Variants in GJA8 observed in about 807,000 individuals in gnomAD.
GJA8 encodes the protein gap junction alpha-8 protein.
In GJA8, 13 loss-of-function variants were observed where a neutral mutation model predicts 15.3. The observed-to-expected ratio is 0.85, with a 90% CI of 0.55 to 1.35. The LOEUF is 1.35. Among genes scored for constraint, GJA8 ranks in the 40% most tolerant of loss-of-function variants. GJA8 has a pLI of 0.00. For missense variants in GJA8, 607 were observed against 553.3 expected (o/e 1.10, Z -0.97); for synonymous variants, 304 against 238.7 (o/e 1.27, Z -2.52).
At position 147,908,154 on chromosome 1, in the gene GJA8, G is replaced by A. The variant is rs782805555; in HGVS notation, c.199G>A (p.Asp67Asn). 2.5e-6 allele frequency: 4 copies of A among 1,614,110 alleles called. No homozygotes were observed. Among genetic ancestry groups the A allele is most frequent in the Non-Finnish European group, 3.4e-6 (4 of 1,180,044 alleles). ...QQPGCENVCY[D>N]EAFPISHIRL... ...GCCTGGCTGCGAGAACGTCTGCTAC[G>A]ACGAGGCCTTTCCCATCTCCCACAT... is the stretch of plus-strand genomic sequence containing the variant. The change falls in exon 2 of 2, where the codon GAC becomes AAC. Residue 67 changes from aspartate (D) to asparagine (N), a missense_variant. By Grantham distance (23) the Asp-to-Asn change is conservative. Transcript: ENST00000369235.
At chr1:147,903,706 G>C (rs587631252) in intron 1 of GJA8, among the ~76,000 whole-genome samples, 136 of 152,180 alleles carry the variant, frequency 8.9e-4, no homozygotes, top group African/African-American at 3.2e-3. Flanking sequence ...ATCCATCTGG[G>C]GATCTGTCAG....
Position 147,909,248 on chromosome 1 carries a change from A to G in GJA8, c.1293A>G (p.Leu431=), listed in dbSNP as rs1340990488. ...KASSRARSDD[L]TV ...GCAGCCGAGCCAGGTCAGACGATCTAACCGTATGAAGTGACGCCAAAGAAA... is the reference window on the plus strand; with the variant it reads ...GCAGCCGAGCCAGGTCAGACGATCTGACCGTATGAAGTGACGCCAAAGAAA... The change falls in exon 2 of 2, where the codon CTA becomes CTG. Residue 431 remains leucine (L), a synonymous_variant. Transcript: ENST00000369235. 4 of 1,543,432 alleles carry G rather than the reference A, an allele frequency of 2.6e-6. No homozygotes were observed. The highest frequency in any genetic ancestry group is 3.6e-6 in the Non-Finnish European group (4 of 1,125,004).
At chr1:147,909,465 C>T (rs1571179849), downstream of GJA8, among the ~76,000 whole-genome samples, 1 of 152,114 alleles carries the variant, frequency 6.6e-6, no homozygotes, top group Non-Finnish European at 1.5e-5. Context: ...ATAAACCCAT[C>T]GACCCACTAA....
At chr1:147,903,891 A>G (rs1427124680) in intron 1 of GJA8, among the ~76,000 whole-genome samples, 1 of 151,266 alleles carries the variant, frequency 6.6e-6, no homozygotes, top group African/African-American at 2.4e-5. Flanking sequence ...TTATGAAATG[A>G]TGATGAAAAT....
chr1:147,907,240 C>A (rs985711), intron 1 of GJA8, among the ~76,000 whole-genome samples: 26,924 of 152,122 alleles, frequency 0.18, 2,865 homozygotes, highest in South Asian at 0.3. Context: ...TTATCAAGTT[C>A]TCACTGTGTG....
chr1:147,908,861 G>A lies in GJA8; in HGVS notation c.906G>A (p.Glu302=). 1 of 1,614,212 alleles carries A rather than the reference G, an allele frequency of 6.2e-7. No homozygotes were observed. Among genetic ancestry groups the A allele is most frequent in the South Asian group, 1.1e-5 (1 of 91,082 alleles). ...LPAKPFNQFE[E]KISTGPLGDL... Reference sequence around the variant, plus strand: ...CCAAGCCTTTCAATCAGTTCGAGGAGAAGATCAGCACAGGACCCCTGGGGG... The same window carrying A: ...CCAAGCCTTTCAATCAGTTCGAGGAAAAGATCAGCACAGGACCCCTGGGGG... Residue 302 remains glutamate, a synonymous_variant, in exon 2 of 2, where the codon GAG becomes GAA. Transcript: ENST00000369235.
chr1:147,906,026 G>C (rs587673322), intron 1 of GJA8, among the ~76,000 whole-genome samples: 15 of 152,366 alleles, frequency 9.8e-5, no homozygotes, highest in African/African-American at 3.6e-4. Flanking sequence ...GCACAGGCTG[G>C]ACATTGCAGA....
chr1:147,911,344 A>C (rs1553243444), downstream of GJA8, among the ~76,000 whole-genome samples: 1 of 152,166 alleles, frequency 6.6e-6, no homozygotes, highest in African/African-American at 2.4e-5. Context: ...CCCTTGACAA[A>C]ATTTCCATTC....
chr1:147,903,715 A>G (rs1651690005), intron 1 of GJA8, among the ~76,000 whole-genome samples: 1 of 152,154 alleles, frequency 6.6e-6, no homozygotes, highest in African/African-American at 2.4e-5. Flanking sequence ...GGGATCTGTC[A>G]GTTCTAGCTC....
At chr1:147,909,845 G>T (rs113497979), downstream of GJA8, among the ~76,000 whole-genome samples, 1 of 152,128 alleles carries the variant, frequency 6.6e-6, no homozygotes, top group Non-Finnish European at 1.5e-5. Context: ...TGGTCTTTCT[G>T]ATTTTTCAAG....
At chr1:147,907,061 G>GT (rs1651827511) in intron 1 of GJA8, among the ~76,000 whole-genome samples, 1 of 151,744 alleles carries the variant, frequency 6.6e-6, no homozygotes, top group South Asian at 2.1e-4. Flanking sequence ...AGTTTTTAAA[G>GT]TTTTTTGTAG....
chr1:147,909,132 A>C lies in GJA8; in HGVS notation c.1177A>C (p.Lys393Gln), dbSNP rs1357657338. 2 of 1,613,956 alleles carry C rather than the reference A, an allele frequency of 1.2e-6. No homozygotes were observed. Among genetic ancestry groups the C allele is most frequent in the East Asian group, 2.2e-5 (1 of 44,890 alleles). ...KEEPQSEKVS[K>Q]QGLPAEKTPS... ...AGAGCCGCAGTCGGAGAAGGTGTCA[A>C]AGCAAGGGCTGCCAGCTGAGAAGAC... The change falls in exon 2 of 2, where the codon AAG (lysine) becomes CAG (glutamine). Residue 393 changes from lysine to glutamine, a missense_variant. Physicochemically the swap from Lys to Gln is moderately conservative, Grantham distance 53. Coordinates refer to ENST00000369235, the MANE Select transcript of GJA8 (RefSeq NM_005267.5).
chr1:147,914,174 C>T (rs982936407), downstream of GJA8, among the ~76,000 whole-genome samples: 16 of 152,264 alleles, frequency 1.1e-4, no homozygotes, highest in Non-Finnish European at 1.5e-4. Context: ...TAGTCTCCAA[C>T]GCCACTGCTT....
downstream of GJA8, among the ~76,000 whole-genome samples, chr1:147,910,021 G>A (rs587610359): frequency 5.9e-4 from 90 of 152,052 alleles, no homozygotes; most frequent in African/African-American, 1.8e-3. Flanking sequence ...CACCACACCC[G>A]GCTAATTTTT....
In GJA8 at chr1:147,908,758, T is replaced by A. The variant is rs782134016; in HGVS notation, c.803T>A (p.Leu268His). ...SSIQKAKGYQ[L>H]LEEEKIVSHY... Reference sequence around the variant, plus strand: ...ATCCAGAAAGCCAAGGGCTATCAGCTCCTAGAAGAAGAGAAAATCGTTTCC... The same window carrying A: ...ATCCAGAAAGCCAAGGGCTATCAGCACCTAGAAGAAGAGAAAATCGTTTCC... Residue 268 changes from leucine to histidine, a missense_variant, in exon 2 of 2, where the codon CTC becomes CAC. Leu to His is a moderately conservative substitution (Grantham distance 99). Coordinates refer to ENST00000369235, the MANE Select transcript of GJA8 (RefSeq NM_005267.5). 6.2e-7 allele frequency: 1 copy of A among 1,614,064 alleles called. No individual in the cohort carries two copies. The highest frequency in any genetic ancestry group is 8.5e-7 in the Non-Finnish European group (1 of 1,179,978).
Position 147,909,017 on chromosome 1 carries a change from G to A in GJA8, c.1062G>A (p.Glu354=). 6.3e-7 allele frequency: 1 copy of A among 1,596,054 alleles called. No homozygotes were observed. The highest frequency in any genetic ancestry group is 1.1e-5 in the South Asian group (1 of 89,078). ...TGGGAGAGAAGAAGGAGGAAGCAGA[G>A]AGGCTGACCACGGAGGAGCAGGAGA... ...PEVGEKKEEA[E]RLTTEEQEKV... is the part of the protein sequence containing the mutation. The change falls in exon 2 of 2, where the codon GAG becomes GAA. Residue 354 remains glutamate, a synonymous_variant. Coordinates refer to ENST00000369235, the MANE Select transcript of GJA8 (RefSeq NM_005267.5).
intron 1 of GJA8, among the ~76,000 whole-genome samples, chr1:147,903,689 C>G (rs1651689302): frequency 6.6e-6 from 1 of 152,140 alleles, no homozygotes; most frequent in African/African-American, 2.4e-5. Flanking sequence ...TTCACTGGTT[C>G]TCAGACATCC....
intron 1 of GJA8, among the ~76,000 whole-genome samples, chr1:147,905,795 C>T (rs947909208): frequency 1.1e-4 from 16 of 152,196 alleles, no homozygotes; most frequent in Non-Finnish European, 2.1e-4. Context: ...GTTCCGATTC[C>T]GAGCTGCTGG....
At chr1:147,906,648 C>T (rs1262955053) in intron 1 of GJA8, among the ~76,000 whole-genome samples, 2 of 152,092 alleles carry the variant, frequency 1.3e-5, no homozygotes. Flanking sequence ...AAATATACGG[C>T]CCTCAATGTG....
Sources: allele counts gnomAD v4.1 joint callset (sites outside exome capture counted in the v4.1 genomes callset), GRCh38; gene constraint gnomAD v4.1.1; transcripts MANE v1.5; gene names NCBI Gene and HGNC (gene_info 2026-07-23, HGNC 2026-07-21).